Variants in TENM3 observed in about 807,000 individuals in gnomAD.
TENM3 encodes the protein teneurin transmembrane protein 3.
In TENM3, 63 loss-of-function variants were observed where a neutral mutation model predicts 255.1. That is an observed-to-expected ratio of 0.25 (90% CI 0.20 to 0.30). TENM3 has a LOEUF of 0.30. Ranked by LOEUF, TENM3 falls within the 10% of genes least tolerant of loss-of-function variation. The pLI is 1.00. For missense variants in TENM3, 2,929 were observed against 3,461.1 expected (o/e 0.85, Z 3.86); for synonymous variants, 1,306 against 1,322.3 (o/e 0.99, Z 0.27).
At chr4:181,860,851 GTTTA>G in the TENM3 span, among the ~76,000 whole-genome samples, 17 of 152,110 alleles carry the variant, frequency 1.1e-4, no homozygotes, top group Admixed American at 9.2e-4. Flanking sequence ...ATCACATTAT[GTTTA>G]TTTATTCAGC....
rs146116959 is a variant in TENM3, at chr4:182,477,619, CT to C, written c.512-123304del. Among the ~76,000 whole-genome samples, 443 of 152,150 alleles carry C rather than the reference CT, an allele frequency of 2.9e-3. 3 individuals carry two copies. Among genetic ancestry groups the C allele is most frequent in the African/African-American group, 0.01 (425 of 41,504 alleles). ...TCGTTCTTTATTTCTTGATTGCATT[CT>C]ATGATTTTCCCCTAAGACAAGCTGT... On this transcript the variant is annotated intron_variant, in intron 3 of 27. Transcript: ENST00000511685.
chr4:181,919,747 A>C, the TENM3 span, among the ~76,000 whole-genome samples: 243 of 151,848 alleles, frequency 1.6e-3, 12 homozygotes, highest in South Asian at 0.049. Context: ...TTTTATTATT[A>C]TTATACTTTA....
chr4:182,206,663 TG>T (rs1047250356), intron 1 of TENM3, among the ~76,000 whole-genome samples: 5 of 152,186 alleles, frequency 3.3e-5, no homozygotes, highest in Non-Finnish European at 7.4e-5. Flanking sequence ...GTCAGTTACT[TG>T]TGCTAAAAAA....
At chr4:182,703,294 G>T (rs926265920) in intron 12 of TENM3, among the ~76,000 whole-genome samples, 10 of 152,182 alleles carry the variant, frequency 6.6e-5, no homozygotes, top group Admixed American at 3.9e-4. Context: ...AACAGAACTT[G>T]TAATTTGCCA....
intron 3 of TENM3, among the ~76,000 whole-genome samples, chr4:182,390,729 G>C (rs1768368124): frequency 6.6e-6 from 1 of 152,150 alleles, no homozygotes; most frequent in East Asian, 1.9e-4. Context: ...TCAGCACCTT[G>C]TCAGTTTATA....
intron 5 of TENM3, among the ~76,000 whole-genome samples, chr4:182,641,224 ACT>A (rs1392691505): frequency 1.3e-5 from 2 of 152,090 alleles, no homozygotes; most frequent in Non-Finnish European, 1.5e-5. Flanking sequence ...GTATACACAC[ACT>A]CACGAATCAG....
the TENM3 span, among the ~76,000 whole-genome samples, chr4:181,885,461 C>G: frequency 3.9e-5 from 6 of 152,246 alleles, no homozygotes; most frequent in East Asian, 7.7e-4. Flanking sequence ...CAGGGTTTCA[C>G]CATGTTGGCC....
At chr4:181,842,054 T>C in the TENM3 span, among the ~76,000 whole-genome samples, 5 of 99,568 alleles carry the variant, frequency 5.0e-5, no homozygotes, top group Non-Finnish European at 9.8e-5. Flanking sequence ...TTTTTCTGAG[T>C]TGAAGACTGA....
chr4:181,542,972 G>T, the TENM3 span, among the ~76,000 whole-genome samples: 2 of 152,086 alleles, frequency 1.3e-5, no homozygotes, highest in South Asian at 2.1e-4. Context: ...CATATATCTT[G>T]CTTGGTCCAT....
At chr4:182,683,156 A>T (rs904488644) in intron 11 of TENM3, among the ~76,000 whole-genome samples, 1 of 152,204 alleles carries the variant, frequency 6.6e-6, no homozygotes, top group Non-Finnish European at 1.5e-5. Flanking sequence ...CTTAAGAGCT[A>T]TGTGATCTTA....
intron 1 of TENM3, among the ~76,000 whole-genome samples, chr4:182,163,301 G>A (rs1000427742): frequency 2.0e-5 from 3 of 152,026 alleles, no homozygotes; most frequent in Non-Finnish European, 4.4e-5. Flanking sequence ...CTAAAATCCT[G>A]AACCGATCTT....
chr4:182,555,670 T>C (rs1742512054), intron 3 of TENM3, among the ~76,000 whole-genome samples: 1 of 152,202 alleles, frequency 6.6e-6, no homozygotes, highest in Non-Finnish European at 1.5e-5. Flanking sequence ...GAAAACCAAG[T>C]GCACATATTA....
the TENM3 span, among the ~76,000 whole-genome samples, chr4:181,626,122 C>T: frequency 3.9e-5 from 6 of 152,180 alleles, no homozygotes; most frequent in South Asian, 1.2e-3. Context: ...ATGATCTCAC[C>T]TGGTTCTGCC....
chr4:182,117,038 A>C, the TENM3 span, among the ~76,000 whole-genome samples: 1 of 152,164 alleles, frequency 6.6e-6, no homozygotes, highest in Non-Finnish European at 1.5e-5. Flanking sequence ...CCCAAATTAT[A>C]TATAATGTTG....
the TENM3 span, among the ~76,000 whole-genome samples, chr4:181,588,895 G>A: frequency 6.6e-6 from 1 of 152,182 alleles, no homozygotes; most frequent in Non-Finnish European, 1.5e-5. Flanking sequence ...CAACCCCATA[G>A]AGAGGATAAT....
At chr4:181,563,046 G>C in the TENM3 span, among the ~76,000 whole-genome samples, 1 of 152,190 alleles carries the variant, frequency 6.6e-6, no homozygotes, top group Non-Finnish European at 1.5e-5. Context: ...TTCATCATAT[G>C]ACCGCAACTA....
At chr4:182,527,962 G>A (rs1220991834) in intron 3 of TENM3, among the ~76,000 whole-genome samples, 3 of 152,102 alleles carry the variant, frequency 2.0e-5, no homozygotes, top group African/African-American at 7.2e-5. Context: ...TCTTGACCTC[G>A]TGATCTGCTG....
At chr4:182,796,423 G>A (rs979942115) in intron 26 of TENM3, among the ~76,000 whole-genome samples, 2 of 152,270 alleles carry the variant, frequency 1.3e-5, no homozygotes, top group African/African-American at 4.8e-5. Flanking sequence ...TCTATTACTC[G>A]CATTTTTCGT....
chr4:182,788,353 G>A (rs1488946992), intron 24 of TENM3, among the ~76,000 whole-genome samples: 1 of 152,180 alleles, frequency 6.6e-6, no homozygotes, highest in Non-Finnish European at 1.5e-5. Flanking sequence ...TGTATGCCTC[G>A]GATGGCAGAC....
Sources: gnomAD v4.1 joint callset for allele counts (sites outside exome capture counted in the v4.1 genomes callset) on GRCh38, gnomAD v4.1.1 for gene constraint, MANE v1.5 for transcripts, NCBI Gene and HGNC (gene_info 2026-07-23, HGNC 2026-07-21) for gene names.